Variants in STAG2 observed in about 807,000 individuals in gnomAD.
STAG2 encodes STAG2 cohesin complex component, also known as cohesin subunit SA-2.
A neutral mutation model predicts 108.1 loss-of-function variants in STAG2; 14 were observed. That is an observed-to-expected ratio of 0.13 (90% CI 0.09 to 0.20). STAG2 has a LOEUF of 0.20. Ranked by LOEUF, STAG2 falls within the 10% of genes least tolerant of loss-of-function variation. The pLI is 1.00. For missense variants in STAG2, 440 were observed against 940.9 expected, an observed-to-expected ratio of 0.47 and a Z score of 6.96; for synonymous variants, 307 against 302.7, an observed-to-expected ratio of 1.01 and a Z score of -0.15.
At position 124,083,485 on chromosome X, in the gene STAG2, T is replaced by G. The variant is rs934233502; in HGVS notation, c.2989T>G (p.Leu997Val). The G allele has an allele frequency of 8.3e-7, 1 of 1,198,667 alleles. No individual in the cohort carries two copies. Among genetic ancestry groups the G allele is most frequent in the East Asian group, 3.0e-5 (1 of 33,374 alleles). ...AGGGGAGAGCCATCCACCTTTAAAT[T>G]TGGCATTTCTTGATATTCTGAGTGA... ...PQGESHPPLN[L>V]AFLDILSEFS... The change falls in exon 29 of 35, where the codon TTG becomes GTG. Residue 997 changes from leucine to valine, a missense_variant. Leu to Val is a conservative substitution (Grantham distance 32). Coordinates refer to ENST00000371145, the MANE Select transcript of STAG2 (RefSeq NM_001042750.2).
intron 34 of STAG2, chrX:124,097,754 G>C (rs2059420574): frequency 3.2e-6 from 1 of 315,421 alleles, no homozygotes; most frequent in African/African-American, 2.7e-5. Flanking sequence ...TAGTGACTTT[G>C]CTCAGTTATA....
At chrX:124,025,564 C>T (rs900239857) in intron 3 of STAG2, among the ~76,000 whole-genome samples, 3 of 111,068 alleles carry the variant, frequency 2.7e-5, no homozygotes, top group African/African-American at 9.8e-5. Context: ...AATTTTGAGA[C>T]CCACTGGATT....
chrX:124,041,993 T>G (rs1469867987), intron 6 of STAG2, among the ~76,000 whole-genome samples: 1 of 111,245 alleles, frequency 9.0e-6, no homozygotes, highest in African/African-American at 3.3e-5. Context: ...TTTGACAGCT[T>G]CTTTTTCTTT....
At position 123,996,815 on chromosome X, in the gene STAG2, G is replaced by T. The variant is rs935616976; in HGVS notation, c.-162-24552G>T. 2.9e-4 allele frequency among the ~76,000 whole-genome samples: 33 copies of T among 112,268 alleles called. 1 individual carries two copies. Among genetic ancestry groups the T allele is most frequent in the African/African-American group, 1.0e-3 (32 of 30,974 alleles). On this transcript the variant is annotated intron_variant, in intron 1 of 34. Coordinates refer to ENST00000371145, the MANE Select transcript of STAG2 (RefSeq NM_001042750.2). Reference sequence around the variant, plus strand: ...TTACCACCAGTTGAAGGACATTTGGGTTATTTCTGCTTTTGGTGACTACAA... The same window carrying T: ...TTACCACCAGTTGAAGGACATTTGGTTTATTTCTGCTTTTGGTGACTACAA...
At chrX:124,004,567 G>A (rs1031287872) in intron 1 of STAG2, among the ~76,000 whole-genome samples, 1 of 111,036 alleles carries the variant, frequency 9.0e-6, no homozygotes, top group Non-Finnish European at 1.9e-5. Context: ...TTTCCATTGT[G>A]TATATGTACC....
intron 1 of STAG2, among the ~76,000 whole-genome samples, chrX:123,977,626 A>G (rs1422057616): frequency 9.0e-6 from 1 of 111,008 alleles, no homozygotes; most frequent in Non-Finnish European, 1.9e-5. Context: ...TGACTCAGAA[A>G]CATTTCCTTT....
intron 1 of STAG2, among the ~76,000 whole-genome samples, chrX:123,982,655 G>C (rs1474232634): frequency 2.7e-5 from 3 of 110,101 alleles, no homozygotes; most frequent in Non-Finnish European, 5.7e-5. Context: ...CCAAAATGTT[G>C]AGATTATAGG....
intron 1 of STAG2, among the ~76,000 whole-genome samples, chrX:123,993,798 G>A (rs765225344): frequency 2.1e-4 from 23 of 111,358 alleles, no homozygotes; most frequent in African/African-American, 3.6e-4. Context: ...CTTGGATGTC[G>A]GACCTGTGAC....
intron 5 of STAG2, among the ~76,000 whole-genome samples, chrX:124,035,590 G>T (rs987019598): frequency 1.8e-5 from 2 of 112,025 alleles, no homozygotes; most frequent in Non-Finnish European, 3.8e-5. Flanking sequence ...TCTGCTTTAT[G>T]ATGTCAAGGG....
At chrX:123,989,965 G>T (rs773068874) in intron 1 of STAG2, among the ~76,000 whole-genome samples, 13 of 111,449 alleles carry the variant, frequency 1.2e-4, no homozygotes, top group Admixed American at 3.8e-4. Context: ...GTGATTTAGG[G>T]CATACTTTAT....
intron 1 of STAG2, among the ~76,000 whole-genome samples, chrX:124,005,830 C>G (rs1243494087): frequency 9.0e-6 from 1 of 111,095 alleles, no homozygotes; most frequent in Non-Finnish European, 1.9e-5. Context: ...GCAAGAAGTC[C>G]AAGATCAAGG....
At chrX:124,015,808 A>G (rs1358633772) in intron 1 of STAG2, among the ~76,000 whole-genome samples, 11 of 112,303 alleles carry the variant, frequency 9.8e-5, no homozygotes. Context: ...TAGAAATGAT[A>G]GTAACTTTCC....
chrX:124,082,186 A>G (rs1446814494), intron 28 of STAG2, among the ~76,000 whole-genome samples: 1 of 111,505 alleles, frequency 9.0e-6, no homozygotes, highest in East Asian at 2.8e-4. Flanking sequence ...CTTTGTCTCA[A>G]GTTTTTTCTT....
At chrX:123,963,419 T>C (rs184667692) in intron 1 of STAG2, 50 of 111,703 alleles carry the variant, frequency 4.5e-4, no homozygotes, top group African/African-American at 1.5e-3. Flanking sequence ...AGGCTTGCTC[T>C]CATATACTTT....
At chrX:124,001,502 G>A (rs779070627) in intron 1 of STAG2, among the ~76,000 whole-genome samples, 19 of 111,861 alleles carry the variant, frequency 1.7e-4, no homozygotes, top group Non-Finnish European at 2.4e-4. Flanking sequence ...CTCACTCACT[G>A]ACTCACTCAG....
intron 1 of STAG2, among the ~76,000 whole-genome samples, chrX:123,970,855 A>T (rs1040645551): frequency 8.9e-6 from 1 of 111,808 alleles, no homozygotes; most frequent in South Asian, 3.7e-4. Flanking sequence ...ACTTTATCTT[A>T]GTAACTCTAT....
chrX:124,042,765 A>G (rs2057756908), intron 7 of STAG2, 120 bp downstream of exon 7: 3 of 517,212 alleles, frequency 5.8e-6, no homozygotes, highest in Non-Finnish European at 9.6e-6. Context: ...GTAATCCCAC[A>G]CTTTCAGAGG....
chrX:123,969,019 G>C (rs911704100), intron 1 of STAG2, among the ~76,000 whole-genome samples: 1 of 112,002 alleles, frequency 8.9e-6, no homozygotes, highest in Admixed American at 9.5e-5. Flanking sequence ...TGGGCTATCT[G>C]TCATCAGAGA....
At chrX:124,029,011 A>ATATTTATT (rs1556502225) in intron 4 of STAG2, among the ~76,000 whole-genome samples, 5 of 82,497 alleles carry the variant, frequency 6.1e-5, no homozygotes, top group African/African-American at 1.4e-4. Flanking sequence ...ATATATATAT[A>ATATTTATT]TATTTATTTA....
Sources: gnomAD v4.1 joint callset for allele counts (sites outside exome capture counted in the v4.1 genomes callset) on GRCh38, gnomAD v4.1.1 for gene constraint, MANE v1.5 for transcripts, NCBI Gene and HGNC (gene_info 2026-07-23, HGNC 2026-07-21) for gene names.